Variants in TRMT9B observed in about 807,000 individuals in gnomAD.
The protein encoded by TRMT9B is probable tRNA methyltransferase 9B.
TRMT9B carries 16 observed loss-of-function variants against 11.5 expected under a neutral mutation model. The ratio of observed to expected loss-of-function variants is 1.39; its 90% CI spans 0.94 to 2.11. TRMT9B has a LOEUF of 2.11. TRMT9B is among the 30% of genes most tolerant of loss of function. The pLI is 0.00. For synonymous variants in TRMT9B, 274 were observed against 192.4 expected (o/e 1.42, Z -3.51); for missense variants, 941 against 553.8 (o/e 1.70, Z -7.02).
chr8:12,972,648 C>G (rs1270495976), intron 1 of TRMT9B, among the ~76,000 whole-genome samples: 2 of 152,076 alleles, frequency 1.3e-5, no homozygotes, highest in African/African-American at 4.8e-5. Context: ...GAGTCCCGCC[C>G]TCTCCACACA....
At chr8:12,996,977 TTTATTTTATTTTATTTTATTTTA>T (rs1808468158) in intron 2 of TRMT9B, among the ~76,000 whole-genome samples, 1 of 111,182 alleles carries the variant, frequency 9.0e-6, no homozygotes, top group Non-Finnish European at 1.8e-5. Flanking sequence ...TTTATTTTAT[TTTATTTTATTTTATTTTATTTTA>T]TTTTATTTTT....
At chr8:12,982,329 C>G (rs1190257341) in intron 1 of TRMT9B, among the ~76,000 whole-genome samples, 2 of 152,236 alleles carry the variant, frequency 1.3e-5, no homozygotes, top group Admixed American at 1.3e-4. Context: ...CCAGATTCTA[C>G]TATGCTTTGC....
intron 4 of TRMT9B, among the ~76,000 whole-genome samples, chr8:13,019,070 A>G (rs1256248236): frequency 2.0e-5 from 3 of 152,190 alleles, no homozygotes; most frequent in Non-Finnish European, 4.4e-5. Context: ...TCAGTGAATG[A>G]CCATGAAAGT....
chr8:12,983,462 G>T (rs961895732), intron 1 of TRMT9B, among the ~76,000 whole-genome samples: 1 of 152,174 alleles, frequency 6.6e-6, no homozygotes, highest in Admixed American at 6.5e-5. Context: ...CTGAGGTCAG[G>T]AGTTTGAGAC....
chr8:12,960,623 G>A (rs941413440), intron 1 of TRMT9B: 7 of 152,164 alleles, frequency 4.6e-5, no homozygotes, highest in African/African-American at 1.7e-4. Flanking sequence ...ATATTATTTA[G>A]TGATTAAAAA....
chr8:12,952,458 C>A (rs1008666072), intron 1 of TRMT9B: 3 of 273,584 alleles, frequency 1.1e-5, no homozygotes, highest in East Asian at 1.2e-4. Context: ...GACAGCCATG[C>A]AGTAAGGGAT....
chr8:13,000,845 G>C (rs1385714941), intron 2 of TRMT9B, among the ~76,000 whole-genome samples: 1 of 152,184 alleles, frequency 6.6e-6, no homozygotes, highest in African/African-American at 2.4e-5. Flanking sequence ...AAACAGAAGT[G>C]AGTTCAAGTG....
In TRMT9B at chr8:13,026,908, C is replaced by G. The variant is rs915399260; in HGVS notation, c.*4864C>G. ...AAAAGTTTAAGCAAAGATTACACAG[C>G]TAGACAATAATTCAATAGTAGTCTC... is the stretch of plus-strand genomic sequence containing the variant. On this transcript the variant is annotated 3_prime_UTR_variant, in exon 5 of 5. Coordinates refer to ENST00000524591, the MANE Select transcript of TRMT9B (RefSeq NM_020844.3). 2 of 167,046 alleles carry G rather than the reference C, an allele frequency of 1.2e-5. No homozygotes were observed. The highest frequency in any genetic ancestry group is 6.5e-5 in the Admixed American group (1 of 15,276). The allele number at this position is 167,046 out of a possible 1,614,324, so 10.3% of individuals were successfully genotyped here. A position where few individuals can be genotyped will look rare whatever the true frequency, so the allele number is the denominator to read the frequency against.
chr8:12,994,801 C>T lies in TRMT9B; in HGVS notation c.-2+3770C>T, dbSNP rs1053947815. Among the ~76,000 whole-genome samples the T allele has an allele frequency of 8.5e-5, 13 of 152,320 alleles. No homozygotes were observed. In the South Asian group the frequency reaches 2.3e-3, roughly 27 times the overall value. ...GGTTCAAGCAATTCTCCTGCCTCAG[C>T]CTCCTGAGTACCTAGGATTATAGGC... On this transcript the variant is annotated intron_variant, in intron 2 of 4. Coordinates refer to ENST00000524591, the MANE Select transcript of TRMT9B (RefSeq NM_020844.3).
At position 13,021,591 on chromosome 8, in the gene TRMT9B, G is replaced by A. The variant is rs766336386; in HGVS notation, c.912G>A (p.Gly304=). 22 of 1,613,914 alleles carry A rather than the reference G, an allele frequency of 1.4e-5. No individual in the cohort carries two copies. The Admixed American group carries it at 3.5e-4, about 26-fold the overall frequency. Residue 304 remains glycine, a synonymous_variant, in exon 5 of 5, where the codon GGG becomes GGA. Transcript: ENST00000524591. ...FDHQEPFSTK[G]QSLDEEVFVE... ...ACCAAGAGCCATTTTCAACAAAAGG[G>A]CAAAGTTTAGATGAGGAAGTGTTTG...
chr8:12,974,696 G>A (rs1585156803), intron 1 of TRMT9B, among the ~76,000 whole-genome samples: 1 of 152,168 alleles, frequency 6.6e-6, no homozygotes, highest in South Asian at 2.1e-4. Flanking sequence ...AAAAGTAAAC[G>A]ACTGCATTAT....
chr8:12,974,013 T>TAAAA (rs1464442223), intron 1 of TRMT9B, among the ~76,000 whole-genome samples: 7 of 152,018 alleles, frequency 4.6e-5, no homozygotes, highest in Non-Finnish European at 7.4e-5. Flanking sequence ...ATTAAAATTT[T>TAAAA]TTTTTTAAAA....
In TRMT9B at chr8:13,028,329, A is replaced by G. The variant is rs1463645293; in HGVS notation, c.*6285A>G. On this transcript the variant is annotated 3_prime_UTR_variant, in exon 5 of 5. Transcript: ENST00000524591. The stretch of plus-strand genomic sequence containing the variant: ...GATCTTCATTTGACAAATAAATACT[A>G]GAGCTGCAGAAAGTAAAGTTTACTC... 1 of 167,098 alleles carries G rather than the reference A, an allele frequency of 6.0e-6. No individual in the cohort carries two copies. Among genetic ancestry groups the G allele is most frequent in the Non-Finnish European group, 1.5e-5 (1 of 68,132 alleles). The allele number at this position is 167,098 out of a possible 1,614,324, so 10.4% of individuals were successfully genotyped here.
At chr8:12,995,098 G>A (rs1808101736) in intron 2 of TRMT9B, among the ~76,000 whole-genome samples, 1 of 152,194 alleles carries the variant, frequency 6.6e-6, no homozygotes, top group Non-Finnish European at 1.5e-5. Flanking sequence ...AGGGCTCACT[G>A]AAAATTTCCC....
intron 4 of TRMT9B, among the ~76,000 whole-genome samples, chr8:13,020,706 C>G (rs781135031): frequency 1.3e-5 from 2 of 152,158 alleles, no homozygotes; most frequent in Admixed American, 1.3e-4. Flanking sequence ...CTGGAAGAGA[C>G]TTTATGGATT....
intron 1 of TRMT9B, among the ~76,000 whole-genome samples, chr8:12,952,982 C>T (rs1321511442): frequency 6.6e-6 from 1 of 152,154 alleles, no homozygotes; most frequent in African/African-American, 2.4e-5. Context: ...TCGTGATCCG[C>T]CTGCCTCGGC....
At chr8:12,959,665 T>A (rs1223217996) in intron 1 of TRMT9B, among the ~76,000 whole-genome samples, 1 of 151,604 alleles carries the variant, frequency 6.6e-6, no homozygotes. Flanking sequence ...GGCTACAGGT[T>A]CACGCCACTA....
chr8:12,952,624 G>A lies in TRMT9B; in HGVS notation c.-200+6658G>A, dbSNP rs78948934. On this transcript the variant is annotated intron_variant, in intron 1 of 4. Coordinates refer to ENST00000524591, the MANE Select transcript of TRMT9B (RefSeq NM_020844.3). ...TGATTTTTAATTAGTAAGAGGCAAAGAACTAAGATAACTTGAAGCCAGAAA... is the reference window on the plus strand; with the variant it reads ...TGATTTTTAATTAGTAAGAGGCAAAAAACTAAGATAACTTGAAGCCAGAAA... 1,997 of 940,524 alleles carry A rather than the reference G, an allele frequency of 2.1e-3. 29 individuals are homozygous for A. The African/African-American group carries it at 0.031, about 15-fold the overall frequency. 58.3% of individuals were successfully genotyped at this position (940,524 alleles called of 1,614,324 possible).
intron 2 of TRMT9B, among the ~76,000 whole-genome samples, chr8:12,998,128 A>G (rs528649522): frequency 6.6e-6 from 1 of 152,290 alleles, no homozygotes; most frequent in South Asian, 2.1e-4. Context: ...AATTGTTTAT[A>G]TTCTGGATAC....
Sources: allele counts gnomAD v4.1 joint callset (sites outside exome capture counted in the v4.1 genomes callset), GRCh38; gene constraint gnomAD v4.1.1; transcripts MANE v1.5; gene names NCBI Gene and HGNC (gene_info 2026-07-23, HGNC 2026-07-21).